Variants in FOXP2 observed in about 807,000 individuals in gnomAD.
FOXP2 encodes the protein forkhead box protein P2.
FOXP2 carries 12 observed loss-of-function variants against 115.8 expected under a neutral mutation model. The observed-to-expected ratio is 0.10, with a 90% CI of 0.07 to 0.17. The LOEUF (loss-of-function observed/expected upper bound fraction) is 0.17. FOXP2 is among the 10% of genes least tolerant of loss of function. FOXP2 has a pLI of 1.00. For synonymous variants in FOXP2, 328 were observed against 297.7 expected (o/e 1.10, Z -1.05); for missense variants, 629 against 843.5 (o/e 0.75, Z 3.15).
intron 2 of FOXP2, among the ~76,000 whole-genome samples, chr7:114,292,135 T>C (rs187434146): frequency 6.8e-4 from 103 of 151,410 alleles, no homozygotes; most frequent in African/African-American, 2.4e-3. Flanking sequence ...ACCTTTGCCA[T>C]GTTCTGTTGG....
At chr7:114,616,057 T>A (rs1339419056) in intron 3 of FOXP2, among the ~76,000 whole-genome samples, 1 of 152,252 alleles carries the variant, frequency 6.6e-6, no homozygotes, top group African/African-American at 2.4e-5. Flanking sequence ...CATTAGAATA[T>A]ACCCTTTGCA....
At chr7:114,208,062 G>T (rs567398065) in intron 1 of FOXP2, among the ~76,000 whole-genome samples, 1 of 152,174 alleles carries the variant, frequency 6.6e-6, no homozygotes, top group Non-Finnish European at 1.5e-5. Flanking sequence ...CCAGACCCTA[G>T]AATGGTAGAT....
intron 2 of FOXP2, among the ~76,000 whole-genome samples, chr7:114,340,903 T>A (rs1791186113): frequency 6.6e-6 from 1 of 151,160 alleles, no homozygotes; most frequent in African/African-American, 2.4e-5. Context: ...GATATTTGAA[T>A]ACATATTTTC....
At chr7:114,421,380 A>C (rs974568417) in intron 1 of FOXP2, among the ~76,000 whole-genome samples, 6 of 151,614 alleles carry the variant, frequency 4.0e-5, no homozygotes, top group Non-Finnish European at 8.9e-5. Context: ...ATTGTTGAAG[A>C]TCTAACAGTA....
intron 16 of FOXP2, among the ~76,000 whole-genome samples, chr7:114,685,462 C>T (rs1563078602): frequency 6.6e-6 from 1 of 152,060 alleles, no homozygotes; most frequent in African/African-American, 2.4e-5. Flanking sequence ...AGCATAATAA[C>T]TTCAGTTTCG....
At chr7:114,237,707 C>G (rs1002748518) in intron 1 of FOXP2, among the ~76,000 whole-genome samples, 2 of 151,902 alleles carry the variant, frequency 1.3e-5, no homozygotes, top group African/African-American at 4.8e-5. Context: ...GGCTCAGAGC[C>G]TCACACCTCT....
intron 2 of FOXP2, among the ~76,000 whole-genome samples, chr7:114,289,553 A>G (rs1796544146): frequency 6.6e-6 from 1 of 151,896 alleles, no homozygotes; most frequent in Non-Finnish European, 1.5e-5. Flanking sequence ...GTTTATTTGT[A>G]TCATAGCAGA....
chr7:114,325,275 G>A (rs1562871435), intron 2 of FOXP2, among the ~76,000 whole-genome samples: 1 of 151,782 alleles, frequency 6.6e-6, no homozygotes, highest in Non-Finnish European at 1.5e-5. Flanking sequence ...AGACTATCCA[G>A]AATGTAAGTT....
chr7:114,654,738 C>G (rs1159783743), intron 10 of FOXP2, among the ~76,000 whole-genome samples: 1 of 152,068 alleles, frequency 6.6e-6, no homozygotes, highest in East Asian at 1.9e-4. Flanking sequence ...AACTGGGTAA[C>G]TCTAGTTTAA....
At chr7:114,664,814 G>T in intron 16 of FOXP2, 1 of 257,956 alleles carries the variant, frequency 3.9e-6, no homozygotes, top group South Asian at 4.5e-5. Flanking sequence ...ACTGTTACAG[G>T]TCTCTAAACC....
At chr7:114,635,168 C>G (rs192502232) in intron 6 of FOXP2, among the ~76,000 whole-genome samples, 4 of 152,036 alleles carry the variant, frequency 2.6e-5, no homozygotes, top group African/African-American at 7.2e-5. Context: ...AGAATTGTGC[C>G]GAAGATAGTC....
intron 1 of FOXP2, among the ~76,000 whole-genome samples, chr7:114,218,144 A>G (rs1480177535): frequency 5.3e-5 from 8 of 152,154 alleles, no homozygotes; most frequent in Non-Finnish European, 1.2e-4. Context: ...ACTCATAAAC[A>G]TTGGCTGAAA....
At chr7:114,355,112 C>G (rs1405870819) in intron 2 of FOXP2, among the ~76,000 whole-genome samples, 2 of 152,196 alleles carry the variant, frequency 1.3e-5, no homozygotes, top group Non-Finnish European at 2.9e-5. Flanking sequence ...TATCTTTTGT[C>G]ATGGTCATCA....
chr7:114,519,315 T>A (rs1415802248), intron 2 of FOXP2, among the ~76,000 whole-genome samples: 1 of 152,166 alleles, frequency 6.6e-6, no homozygotes, highest in Non-Finnish European at 1.5e-5. Flanking sequence ...GTCCTGAGTG[T>A]GTATTTTGGA....
At position 114,692,298 on chromosome 7, in the gene FOXP2, C is replaced by T. The variant is rs770117435; in HGVS notation, c.*2372C>T. Reference sequence around the variant, plus strand: ...AAAACTTTTGAAAGGAAGTCTCAGCCACAGAATGCATATACCTGTAGAGTT... The same window carrying T: ...AAAACTTTTGAAAGGAAGTCTCAGCTACAGAATGCATATACCTGTAGAGTT... On this transcript the variant is annotated 3_prime_UTR_variant, in exon 17 of 17. Coordinates refer to ENST00000350908, the MANE Select transcript of FOXP2 (RefSeq NM_014491.4). The T allele has an allele frequency of 2.2e-6, 1 of 453,914 alleles. No homozygotes were observed. Among genetic ancestry groups the T allele is most frequent in the South Asian group, 1.6e-5 (1 of 64,472 alleles). 28.1% of individuals were successfully genotyped at this position (453,914 alleles called of 1,614,324 possible).
chr7:114,679,784 T>C (rs571804614), intron 16 of FOXP2, among the ~76,000 whole-genome samples: 4 of 152,200 alleles, frequency 2.6e-5, no homozygotes, highest in South Asian at 2.1e-4. Flanking sequence ...CTCTCCTTCA[T>C]AGAGCATTCA....
At chr7:114,401,691 A>T (rs1017974521) in intron 2 of FOXP2, among the ~76,000 whole-genome samples, 1 of 152,220 alleles carries the variant, frequency 6.6e-6, no homozygotes, top group Non-Finnish European at 1.5e-5. Flanking sequence ...TCTCTCACCC[A>T]TGGCTAAAGA....
intron 2 of FOXP2, among the ~76,000 whole-genome samples, chr7:114,392,751 T>C (rs1792633695): frequency 6.6e-6 from 1 of 152,198 alleles, no homozygotes; most frequent in Admixed American, 6.5e-5. Flanking sequence ...CACAGAAGAC[T>C]GAATTTGTAT....
chr7:114,291,655 C>T (rs976774758), intron 2 of FOXP2, among the ~76,000 whole-genome samples: 20 of 151,156 alleles, frequency 1.3e-4, no homozygotes, highest in East Asian at 3.9e-4. Context: ...TCCAAACTCA[C>T]GGGTTTTTGG....
Sources: gnomAD v4.1 joint callset for allele counts (sites outside exome capture counted in the v4.1 genomes callset) on GRCh38, gnomAD v4.1.1 for gene constraint, MANE v1.5 for transcripts, NCBI Gene and HGNC (gene_info 2026-07-23, HGNC 2026-07-21) for gene names.